The following LRRC7 variants were observed in gnomAD, a reference collection of about 807,000 sequenced individuals.
LRRC7 encodes leucine rich repeat containing 7.
A neutral mutation model predicts 175.7 loss-of-function variants in LRRC7; 23 were observed. That is an observed-to-expected ratio of 0.13 (90% confidence interval 0.09 to 0.19). The LOEUF (loss-of-function observed/expected upper bound fraction) is 0.19, where lower values mean the gene tolerates loss of function less well. Among genes scored for constraint, LRRC7 ranks in the 10% least tolerant of loss-of-function variants. The probability of loss-of-function intolerance (pLI) is 1.00; values close to 1 mark genes in which losing one functional copy is unlikely to be tolerated. For missense variants in LRRC7, 1,354 were observed against 1,904.7 expected (o/e 0.71, Z 5.38); for synonymous variants, 685 against 680.9 (o/e 1.01, Z -0.09).
intron 1 of LRRC7, among the ~76,000 whole-genome samples, chr1:69,665,904 A>C (rs982829215): frequency 6.6e-6 from 1 of 151,884 alleles, no homozygotes; most frequent in African/African-American, 2.4e-5. Context: ...TGTGTTCCTG[A>C]TCTTAGAAAA....
At chr1:69,796,310 C>A (rs79946658) in intron 4 of LRRC7, among the ~76,000 whole-genome samples, 4,768 of 151,860 alleles carry the variant, frequency 0.031, 248 homozygotes, top group African/African-American at 0.11. Flanking sequence ...AACCACAACT[C>A]CAGCTGGTCA....
intron 26 of LRRC7, among the ~76,000 whole-genome samples, chr1:70,110,001 A>C (rs1665413702): frequency 6.6e-6 from 1 of 152,208 alleles, no homozygotes; most frequent in African/African-American, 2.4e-5. Flanking sequence ...CAAAATAAAG[A>C]TTTTTCCCTT....
intron 9 of LRRC7, 33 bp downstream of exon 9, chr1:69,980,486 A>G: frequency 1.4e-6 from 2 of 1,445,106 alleles, no homozygotes; most frequent in Non-Finnish European, 1.9e-6. Context: ...ATGTTGTTTA[A>G]TATTTGTTAT....
chr1:69,616,623 G>A (rs1361363298), intron 1 of LRRC7, among the ~76,000 whole-genome samples: 2 of 152,030 alleles, frequency 1.3e-5, no homozygotes, highest in African/African-American at 2.4e-5. Flanking sequence ...ATAATGTAAA[G>A]CTCAGACAGA....
At chr1:69,641,345 T>A (rs1654174373) in intron 1 of LRRC7, among the ~76,000 whole-genome samples, 1 of 151,794 alleles carries the variant, frequency 6.6e-6, no homozygotes, top group Middle Eastern at 3.4e-3. Context: ...TGTCTTCTAT[T>A]TTCTTTTTAT....
chr1:69,613,615 C>T (rs945542189), intron 1 of LRRC7, among the ~76,000 whole-genome samples: 7 of 152,018 alleles, frequency 4.6e-5, no homozygotes, highest in Non-Finnish European at 8.8e-5. Flanking sequence ...TCAGAGAGAG[C>T]ATGCGTCATT....
At chr1:69,729,862 G>T (rs1053735485) in intron 2 of LRRC7, among the ~76,000 whole-genome samples, 6 of 152,218 alleles carry the variant, frequency 3.9e-5, no homozygotes, top group African/African-American at 7.2e-5. Flanking sequence ...AGTTCTCCAT[G>T]AGGGCTCTGC....
At chr1:69,612,871 A>G (rs1404771125) in intron 1 of LRRC7, among the ~76,000 whole-genome samples, 1 of 152,072 alleles carries the variant, frequency 6.6e-6, no homozygotes, top group Non-Finnish European at 1.5e-5. Flanking sequence ...GGGGTCAAGT[A>G]GCTTGCCCAA....
chr1:70,074,221 A>G (rs1356964818), intron 23 of LRRC7, among the ~76,000 whole-genome samples: 2 of 151,072 alleles, frequency 1.3e-5, no homozygotes, highest in African/African-American at 4.9e-5. Flanking sequence ...AAAAAAAAAT[A>G]CATCCGATCA....
At chr1:69,857,638 A>G (rs945765946) in intron 7 of LRRC7, among the ~76,000 whole-genome samples, 4 of 152,208 alleles carry the variant, frequency 2.6e-5, no homozygotes, top group African/African-American at 9.6e-5. Context: ...AGAACATTCC[A>G]TACTCATGGA....
intron 3 of LRRC7, among the ~76,000 whole-genome samples, chr1:69,761,696 ACTGT>A (rs1671053131): frequency 6.6e-6 from 1 of 151,964 alleles, no homozygotes; most frequent in South Asian, 2.1e-4. Flanking sequence ...AGTGAAATAG[ACTGT>A]CTGTTGTACC....
chr1:69,837,416 A>G (rs1166373620), intron 6 of LRRC7, among the ~76,000 whole-genome samples: 3 of 152,078 alleles, frequency 2.0e-5, no homozygotes, highest in South Asian at 2.1e-4. Flanking sequence ...TCCAAACCAT[A>G]TAAATCTGAT....
intron 4 of LRRC7, among the ~76,000 whole-genome samples, chr1:69,807,085 T>G (rs1677206264): frequency 1.3e-5 from 2 of 152,100 alleles, no homozygotes; most frequent in Admixed American, 1.3e-4. Context: ...TTTGTTGGTT[T>G]AAAGTATGTT....
At chr1:69,879,450 T>C (rs1172004626) in intron 7 of LRRC7, 1 of 152,082 alleles carries the variant, frequency 6.6e-6, no homozygotes, top group Admixed American at 6.6e-5. Context: ...AAGGACCCTC[T>C]CTCGAGAAAC....
intron 10 of LRRC7, among the ~76,000 whole-genome samples, chr1:69,993,195 T>G (rs947152671): frequency 3.3e-5 from 5 of 152,172 alleles, no homozygotes; most frequent in African/African-American, 1.2e-4. Flanking sequence ...CAGTGGATTT[T>G]CAAACTTCAA....
intron 24 of LRRC7, among the ~76,000 whole-genome samples, chr1:70,078,793 C>T (rs1044117759): frequency 9.4e-5 from 9 of 96,214 alleles, no homozygotes; most frequent in Admixed American, 5.7e-4. Flanking sequence ...TCTACATATA[C>T]GCGCGCGCGC....
intron 2 of LRRC7, among the ~76,000 whole-genome samples, chr1:69,686,152 T>C (rs1011629259): frequency 6.6e-6 from 1 of 152,114 alleles, no homozygotes; most frequent in Non-Finnish European, 1.5e-5. Flanking sequence ...TATATCCAAC[T>C]AAACCATCCT....
At chr1:70,045,435 C>T (rs1205177707) in intron 22 of LRRC7, among the ~76,000 whole-genome samples, 2 of 152,122 alleles carry the variant, frequency 1.3e-5, no homozygotes, top group Admixed American at 1.3e-4. Flanking sequence ...GGCTCCAACA[C>T]ACCATCAGCA....
chr1:69,941,204 T>C (rs891848679), intron 8 of LRRC7, among the ~76,000 whole-genome samples: 19 of 152,152 alleles, frequency 1.2e-4, no homozygotes, highest in African/African-American at 4.6e-4. Context: ...AGTTAATTTG[T>C]GGAGTGGGAG....
Sources: gnomAD v4.1 joint callset for allele counts (sites outside exome capture counted in the v4.1 genomes callset) on GRCh38, gnomAD v4.1.1 for gene constraint, MANE v1.5 for transcripts, NCBI Gene and HGNC (gene_info 2026-07-23, HGNC 2026-07-21) for gene names.